Variants in NEK11 observed in about 807,000 individuals in gnomAD.
The protein encoded by NEK11 is serine/threonine-protein kinase Nek11.
In NEK11, 72 loss-of-function variants were observed where a neutral mutation model predicts 80.7. That is an observed-to-expected ratio of 0.89 (90% CI 0.74 to 1.08). The LOEUF is 1.08. Among genes scored for constraint, NEK11 ranks in the 50% least tolerant of loss-of-function variants. The pLI is 0.00. For missense variants in NEK11, 764 were observed against 763.6 expected (o/e 1.00, Z -0.01); for synonymous variants, 251 against 260.7 (o/e 0.96, Z 0.36).
At chr3:131,066,347 G>A (rs2071944714) in intron 3 of NEK11, among the ~76,000 whole-genome samples, 2 of 152,190 alleles carry the variant, frequency 1.3e-5, no homozygotes, top group Non-Finnish European at 2.9e-5. Context: ...ATTGGAACAT[G>A]TACATGTGCC....
At chr3:131,287,508 A>G (rs2096488113) in intron 17 of NEK11, among the ~76,000 whole-genome samples, 1 of 152,150 alleles carries the variant, frequency 6.6e-6, no homozygotes, top group South Asian at 2.1e-4. Flanking sequence ...TCCTGACCTC[A>G]GGTGATCCAC....
At chr3:131,303,972 T>C (rs2096693378) in intron 17 of NEK11, among the ~76,000 whole-genome samples, 2 of 152,226 alleles carry the variant, frequency 1.3e-5, no homozygotes, top group Admixed American at 1.3e-4. Flanking sequence ...TCTCTCCCTC[T>C]CTTTAAGAGA....
rs116520184 is a variant in NEK11 at position 131,300,224 on chromosome 3, G to A, written c.1718+26650G>A. Among the ~76,000 whole-genome samples the A allele has an allele frequency of 9.0e-3, 1,375 of 152,138 alleles. 22 individuals are homozygous for A. The highest frequency in any genetic ancestry group is 0.031 in the African/African-American group (1,284 of 41,498). On this transcript the variant is annotated intron_variant, in intron 17 of 17. Coordinates refer to ENST00000383366, the MANE Select transcript of NEK11 (RefSeq NM_024800.5). ...TATCCTTTGTACACTTTTTAATGGGGTTGTTGGTTTTTTGCTTGCTGATTT... is the reference window on the plus strand; with the variant it reads ...TATCCTTTGTACACTTTTTAATGGGATTGTTGGTTTTTTGCTTGCTGATTT...
intron 4 of NEK11, among the ~76,000 whole-genome samples, chr3:131,099,684 C>T (rs2078070376): frequency 6.6e-6 from 1 of 151,676 alleles, no homozygotes; most frequent in Non-Finnish European, 1.5e-5. Flanking sequence ...GATCTTTCAC[C>T]TCTATGGTTA....
rs1268936548 is a variant in NEK11, at chr3:131,228,631, A to T, written c.1503A>T (p.Arg501Ser). ...DEEEEEIALE[R>S]PEKEIRNEGS... The stretch of plus-strand genomic sequence containing the variant: ...AGGAAGAAGAAATAGCGTTAGAAAG[A>T]CCAGAGAAAGAAATCAGGAATGAGG... Residue 501 changes from arginine (R) to serine (S), a missense_variant, in exon 15 of 18, where the codon AGA becomes AGT. Arg to Ser is a moderately radical substitution (Grantham distance 110). Transcript: ENST00000383366. 1 of 1,613,812 alleles carries T rather than the reference A, an allele frequency of 6.2e-7. No homozygotes were observed. The highest frequency in any genetic ancestry group is 1.1e-5 in the South Asian group (1 of 91,058).
intron 17 of NEK11, among the ~76,000 whole-genome samples, chr3:131,310,367 A>C (rs2096769462): frequency 6.6e-6 from 1 of 152,162 alleles, no homozygotes. Flanking sequence ...GACAAGATGC[A>C]AGGCTCCAGT....
chr3:131,192,743 A>C (rs2093848333), intron 14 of NEK11, among the ~76,000 whole-genome samples: 1 of 152,210 alleles, frequency 6.6e-6, no homozygotes, highest in Non-Finnish European at 1.5e-5. Flanking sequence ...CCAAAATCAT[A>C]GAGACAGAAA....
intron 17 of NEK11, among the ~76,000 whole-genome samples, chr3:131,341,633 G>A (rs1364758870): frequency 1.3e-5 from 2 of 152,192 alleles, no homozygotes; most frequent in Admixed American, 1.3e-4. Context: ...GAATATATCT[G>A]ACAGTTTCTC....
At chr3:131,251,277 C>A (rs2095698002) in intron 16 of NEK11, among the ~76,000 whole-genome samples, 1 of 150,108 alleles carries the variant, frequency 6.7e-6, no homozygotes, top group Admixed American at 6.6e-5. Flanking sequence ...AGGCAGGAAG[C>A]TTTCTTGTTT....
intron 7 of NEK11, among the ~76,000 whole-genome samples, chr3:131,149,773 C>T (rs1359017787): frequency 6.6e-6 from 1 of 151,680 alleles, no homozygotes; most frequent in Non-Finnish European, 1.5e-5. Context: ...TCTTGATCAG[C>T]CTTGCTAGAA....
chr3:131,311,682 G>A (rs1482751718), intron 17 of NEK11, among the ~76,000 whole-genome samples: 1 of 152,252 alleles, frequency 6.6e-6, no homozygotes, highest in Admixed American at 6.5e-5. Flanking sequence ...AAGAGCAGAA[G>A]TGTTACAGAG....
intron 14 of NEK11, among the ~76,000 whole-genome samples, chr3:131,201,498 C>T (rs1017953406): frequency 2.0e-5 from 3 of 152,130 alleles, no homozygotes; most frequent in African/African-American, 7.2e-5. Context: ...AAACTCTGTA[C>T]ATATCTAGGG....
chr3:131,082,743 CAA>C (rs2075450659), intron 4 of NEK11, among the ~76,000 whole-genome samples: 1 of 152,154 alleles, frequency 6.6e-6, no homozygotes, highest in Admixed American at 6.5e-5. Context: ...AGAAATGTTA[CAA>C]GAGTAACACA....
chr3:131,080,338 T>C (rs1436737079), intron 3 of NEK11, 85 bp from the exon 4 acceptor site: 21 of 991,814 alleles, frequency 2.1e-5, no homozygotes, highest in Non-Finnish European at 2.8e-5. Flanking sequence ...ACCTGGGCAT[T>C]AATTAATGGC....
chr3:131,341,742 T>G (rs1202110810), intron 17 of NEK11, among the ~76,000 whole-genome samples: 1 of 150,510 alleles, frequency 6.6e-6, no homozygotes, highest in Non-Finnish European at 1.5e-5. Flanking sequence ...ATGTAGTGAC[T>G]TTCTTTATCT....
chr3:131,107,653 A>G (rs1222899804), intron 4 of NEK11, among the ~76,000 whole-genome samples: 1 of 151,872 alleles, frequency 6.6e-6, no homozygotes, highest in Non-Finnish European at 1.5e-5. Flanking sequence ...CCCTTCATAT[A>G]TGCAGATTTC....
chr3:131,192,817 CAG>C (rs762945182), intron 14 of NEK11, among the ~76,000 whole-genome samples: 1 of 152,068 alleles, frequency 6.6e-6, no homozygotes, highest in Non-Finnish European at 1.5e-5. Flanking sequence ...TTTCATGGTA[CAG>C]AGTTTCCATT....
intron 5 of NEK11, among the ~76,000 whole-genome samples, chr3:131,127,833 A>C (rs957587051): frequency 6.6e-6 from 1 of 152,108 alleles, no homozygotes. Context: ...TGTAGGCTGT[A>C]GGCTTTTGGA....
intron 14 of NEK11, among the ~76,000 whole-genome samples, chr3:131,211,073 G>A (rs1442826223): frequency 6.6e-6 from 1 of 152,086 alleles, no homozygotes. Context: ...TAGCATTGAT[G>A]GTCTTTACAA....
Sources: allele counts gnomAD v4.1 joint callset (sites outside exome capture counted in the v4.1 genomes callset), GRCh38; gene constraint gnomAD v4.1.1; transcripts MANE v1.5; gene names NCBI Gene and HGNC (gene_info 2026-07-23, HGNC 2026-07-21).